Variants in RAI1 observed in about 807,000 individuals in gnomAD.
RAI1 encodes the protein retinoic acid induced 1.
Under a neutral mutation model 123.8 loss-of-function variants are expected in RAI1, and 9 were observed. That is an observed-to-expected ratio of 0.07 (90% CI 0.04 to 0.13). The LOEUF is 0.13. RAI1 is among the 10% of genes least tolerant of loss of function. The pLI, the probability that RAI1 is intolerant of heterozygous loss-of-function variation, is 1.00. For missense variants in RAI1, 2,256 were observed against 2,545.8 expected, an observed-to-expected ratio of 0.89 and a Z score of 2.45; for synonymous variants, 1,231 against 1,127.3, an observed-to-expected ratio of 1.09 and a Z score of -1.84.
chr17:17,797,856 C>T lies in RAI1; in HGVS notation c.4908C>T (p.Ser1636=), dbSNP rs2032321535. The T allele has an allele frequency of 6.2e-7, 1 of 1,613,900 alleles. No homozygotes were observed. Among genetic ancestry groups the T allele is most frequent in the Non-Finnish European group, 8.5e-7 (1 of 1,180,020 alleles). Residue 1636 remains serine (S), a synonymous_variant, in exon 3 of 6, where the codon TCC becomes TCT. Transcript: ENST00000353383. Reference sequence around the variant, plus strand: ...CCTCCTCTGCCTCCTCTTCCTCATCCTCGTCCTCGTTCTCCTTGGATGCAG... The same window carrying T: ...CCTCCTCTGCCTCCTCTTCCTCATCTTCGTCCTCGTTCTCCTTGGATGCAG... ...KPSSSASSSS[S]SSSFSLDAAG...
At chr17:17,791,054 A>T (rs2031994879) in intron 2 of RAI1, among the ~76,000 whole-genome samples, 1 of 152,252 alleles carries the variant, frequency 6.6e-6, no homozygotes, top group Non-Finnish European at 1.5e-5. Context: ...GATGCCTGCG[A>T]CAAATCCAGG....
At chr17:17,718,924 C>G (rs1257362507) in intron 1 of RAI1, among the ~76,000 whole-genome samples, 2 of 152,158 alleles carry the variant, frequency 1.3e-5, no homozygotes, top group Non-Finnish European at 2.9e-5. Context: ...GAGGCATTTG[C>G]TCTCCCACCA....
At position 17,794,233 on chromosome 17, in the gene RAI1, G is replaced by C. The variant is rs1276079533; in HGVS notation, c.1285G>C (p.Asp429His). ...KDKLPENLLSDLSLQSLTALT... is the reference protein window; with the variant it reads ...KDKLPENLLSHLSLQSLTALT... ...CAAGCTCCCTGAGAACCTGCTGTCG[G>C]ATCTCAGCCTGCAGAGCCTCACGGC... The change falls in exon 3 of 6, where the codon GAT (aspartate) becomes CAT (histidine). Residue 429 changes from aspartate to histidine, a missense_variant. Physicochemically the swap from Asp to His is moderately conservative, Grantham distance 81 (BLOSUM62 -1). Around this residue, in one of 7 missense-constraint regions of RAI1, gnomAD observed 357 missense variants for 480.2 expected, o/e 0.74. Coordinates refer to ENST00000353383, the MANE Select transcript of RAI1 (RefSeq NM_030665.4). 6.2e-7 allele frequency: 1 copy of C among 1,613,408 alleles called. No individual in the cohort carries two copies. The highest frequency in any genetic ancestry group is 2.2e-5 in the East Asian group (1 of 44,882).
chr17:17,796,175 C>T lies in RAI1; in HGVS notation c.3227C>T (p.Thr1076Ile), dbSNP rs1342556778. ...PRTPGPPGLT[T>I]TPAPPDKLGG... ...ACGCCCGGACCCCCAGGCCTGACCA[C>T]CACCCCTGCACCCCCAGACAAACTG... The change falls in exon 3 of 6, where the codon ACC becomes ATC. Residue 1076 changes from threonine to isoleucine, a missense_variant. Physicochemically the swap from Thr to Ile is moderately conservative, Grantham distance 89. Around this residue, in one of 7 missense-constraint regions of RAI1, gnomAD observed 566 missense variants for 616.0 expected, o/e 0.92. Coordinates refer to ENST00000353383, the MANE Select transcript of RAI1 (RefSeq NM_030665.4). This position sits in a 1 kb window ranked among gnomAD's most constrained non-coding sequence, Gnocchi z 5.8. 1.3e-6 allele frequency: 2 copies of T among 1,556,366 alleles called. No homozygotes were observed. Among genetic ancestry groups the T allele is most frequent in the South Asian group, 2.4e-5 (2 of 83,932 alleles).
chr17:17,725,479 G>C (rs1916056866), intron 2 of RAI1, among the ~76,000 whole-genome samples: 1 of 152,172 alleles, frequency 6.6e-6, no homozygotes, highest in Non-Finnish European at 1.5e-5. Context: ...CATGGGAAGG[G>C]AATGCTAGCC....
At chr17:17,751,111 C>T (rs991339420) in intron 2 of RAI1, among the ~76,000 whole-genome samples, 3 of 152,194 alleles carry the variant, frequency 2.0e-5, no homozygotes, top group East Asian at 1.9e-4. Flanking sequence ...CCTTTCTGCC[C>T]CTTAGCAGCC....
intron 1 of RAI1, among the ~76,000 whole-genome samples, chr17:17,706,373 T>G (rs1344813753): frequency 6.6e-6 from 1 of 152,204 alleles, no homozygotes. Flanking sequence ...TGCAGTGCTC[T>G]GCACTGAATG....
chr17:17,788,049 C>T (rs1416489187), intron 2 of RAI1, among the ~76,000 whole-genome samples: 1 of 152,172 alleles, frequency 6.6e-6, no homozygotes, highest in African/African-American at 2.4e-5. Context: ...TGCTTCTCAC[C>T]CCATCACTGG....
intron 2 of RAI1, among the ~76,000 whole-genome samples, chr17:17,733,138 T>C (rs1220816363): frequency 7.9e-5 from 12 of 152,140 alleles, no homozygotes; most frequent in Admixed American, 6.5e-4. Context: ...GCCCTGGCAC[T>C]CTGGAGCTTG....
In RAI1 at chr17:17,795,205, G is replaced by A. The variant is rs771762240; in HGVS notation, c.2257G>A (p.Asp753Asn). 1 of 1,614,026 alleles carries A rather than the reference G, an allele frequency of 6.2e-7. No homozygotes were observed. ...PFAWPEENLG[D>N]ACPRWGLHPG... ...TGCCTGGCCAGAGGAAAACCTGGGG[G>A]ATGCTTGTCCCAGGTGGGGATTGCA... The change falls in exon 3 of 6, where the codon GAT (aspartate) becomes AAT (asparagine). Residue 753 changes from aspartate (D) to asparagine (N), a missense_variant. Asp to Asn is a conservative substitution (Grantham distance 23). Coordinates refer to ENST00000353383, the MANE Select transcript of RAI1 (RefSeq NM_030665.4). The surrounding 1 kb of genome is among the most constrained non-coding windows in gnomAD (Gnocchi z 5.9).
chr17:17,735,276 A>C (rs898307330), intron 2 of RAI1, among the ~76,000 whole-genome samples: 4 of 140,736 alleles, frequency 2.8e-5, no homozygotes, highest in Non-Finnish European at 6.1e-5. Context: ...CTGGTCTTGA[A>C]CTCCTGTCCT....
chr17:17,809,125 G>C lies in RAI1; in HGVS notation c.5660-265G>C. The C allele has an allele frequency of 1.8e-6, 1 of 556,106 alleles. No individual in the cohort carries two copies. The highest frequency in any genetic ancestry group is 3.3e-6 in the Non-Finnish European group (1 of 306,038). 34.4% of individuals were successfully genotyped at this position (556,106 alleles called of 1,614,324 possible). ...ACTGAGGGACTGCCTCAAGTGAGGA[G>C]GGGCGGCACGTGGAACTCAGGGGGA... On this transcript the variant is annotated intron_variant, in intron 4 of 5. Transcript: ENST00000353383. This position sits in a 1 kb window ranked among gnomAD's most constrained non-coding sequence, Gnocchi z 4.9.
intron 1 of RAI1, among the ~76,000 whole-genome samples, chr17:17,706,129 A>G (rs1915387387): frequency 6.6e-6 from 1 of 151,730 alleles, no homozygotes; most frequent in Admixed American, 6.6e-5. Context: ...GCTATGGATC[A>G]TTCTGCAGAG....
chr17:17,724,639 C>G (rs1164309438), intron 2 of RAI1, among the ~76,000 whole-genome samples: 3 of 152,026 alleles, frequency 2.0e-5, no homozygotes, highest in African/African-American at 7.2e-5. Flanking sequence ...CTGGTCGGAC[C>G]GGGGAGGGCG....
At chr17:17,696,605 T>C (rs1273491851) in intron 1 of RAI1, among the ~76,000 whole-genome samples, 5 of 152,364 alleles carry the variant, frequency 3.3e-5, no homozygotes, top group Admixed American at 2.6e-4. Context: ...CTGTTCACTT[T>C]CTGAGTTTGT....
chr17:17,683,763 G>A (rs1027555989), intron 1 of RAI1: 2 of 152,238 alleles, frequency 1.3e-5, no homozygotes, highest in Non-Finnish European at 2.9e-5. Flanking sequence ...TTTCCCACCA[G>A]CCTAGCATCC....
At chr17:17,791,161 T>G (rs1433767199) in intron 2 of RAI1, among the ~76,000 whole-genome samples, 1 of 152,128 alleles carries the variant, frequency 6.6e-6, no homozygotes, top group African/African-American at 2.4e-5. Context: ...GGGCTGACTC[T>G]CCTGCATTTG....
intron 1 of RAI1, among the ~76,000 whole-genome samples, chr17:17,687,914 C>T (rs1914693748): frequency 6.6e-6 from 1 of 150,586 alleles, no homozygotes; most frequent in African/African-American, 2.5e-5. Flanking sequence ...CCTGTAATTC[C>T]AGCTACTTGG....
intron 1 of RAI1, among the ~76,000 whole-genome samples, chr17:17,712,677 T>C (rs565587101): frequency 4.7e-4 from 72 of 152,282 alleles, no homozygotes; most frequent in African/African-American, 1.6e-3. Flanking sequence ...ATTGCACTTG[T>C]CTGGCTGAGT....
Sources: gnomAD v4.1 joint callset for allele counts (sites outside exome capture counted in the v4.1 genomes callset) on GRCh38, gnomAD v4.1.1 for gene constraint, gnomAD v4.1.1 regional missense constraint, Gnocchi (gnomAD v3.1) non-coding constraint, MANE v1.5 for transcripts, NCBI Gene and HGNC (gene_info 2026-07-23, HGNC 2026-07-21) for gene names.